PNMA6E: variants seen among roughly 807,000 people sequenced by gnomAD.
The protein encoded by PNMA6E is PNMA family member 6E.
For synonymous variants in PNMA6E, 43 were observed against 17.1 expected (o/e 2.52, Z -3.74); for missense variants, 78 against 50.8 (o/e 1.53, Z -1.63).
Position 153,398,224 on chromosome X carries a change from C to T in PNMA6E, c.626G>A (p.Gly209Glu). The T allele has an allele frequency of 4.7e-6, 2 of 425,066 alleles. No homozygotes were observed. Among genetic ancestry groups the T allele is most frequent in the Non-Finnish European group, 8.0e-6 (2 of 248,887 alleles). 35.0% of individuals were successfully genotyped at this position (425,066 alleles called of 1,213,427 possible). ...AGEAGGVGEA[G>E]AAGEAGGAGE... The stretch of plus-strand genomic sequence containing the variant: ...TGCGCCTCCTGCCTCACCTGCTGCT[C>T]CTGCCTCACCTACACCTCCTGCCTC... The change falls in exon 2 of 2, where the codon GGA (glycine) becomes GAA (glutamate). Residue 209 changes from glycine (G) to glutamate (E), a missense_variant. Coordinates refer to ENST00000445091, the MANE Select transcript of PNMA6E (RefSeq NM_001367770.1).
the PNMA6E span, among the ~76,000 whole-genome samples, chrX:153,407,800 C>G: frequency 8.9e-6 from 1 of 112,444 alleles, no homozygotes; most frequent in South Asian, 3.7e-4. Context: ...CCTGGGGCAA[C>G]TGTTAGTGAT....
chrX:153,411,990 A>G, the PNMA6E span, among the ~76,000 whole-genome samples: 1 of 112,789 alleles, frequency 8.9e-6, no homozygotes, highest in Admixed American at 9.3e-5. Context: ...CTGGCTAAAG[A>G]GCATCCTGTC....
At chrX:153,404,618 C>T (rs782373572), upstream of PNMA6E, among the ~76,000 whole-genome samples, 123 of 112,085 alleles carry the variant, frequency 1.1e-3, no homozygotes, top group African/African-American at 3.2e-3. Context: ...TCCGTTTCCA[C>T]GGTATTGGGC....
the PNMA6E span, among the ~76,000 whole-genome samples, chrX:153,407,582 G>A: frequency 1.8e-5 from 2 of 111,000 alleles, no homozygotes; most frequent in African/African-American, 6.6e-5. Context: ...GTGTTGCCCA[G>A]GCTGATCTCA....
At chrX:153,412,258 G>A in the PNMA6E span, among the ~76,000 whole-genome samples, 644 of 112,445 alleles carry the variant, frequency 5.7e-3, 3 homozygotes, top group African/African-American at 0.02. Context: ...GCGAAGGGCC[G>A]ATGGAAGTGG....
rs2088805279 is a variant in PNMA6E at position 153,396,407 on chromosome X, G to C, written c.*499C>G. ...AGAAATGATGGCTAGCAGTGGGTGG[G>C]CGTCTGCTGGGCGCGTGGGTCACAC... On this transcript the variant is annotated 3_prime_UTR_variant, in exon 2 of 2. Coordinates refer to ENST00000445091, the MANE Select transcript of PNMA6E (RefSeq NM_001367770.1). The C allele has an allele frequency of 8.7e-6, 1 of 115,484 alleles. No individual in the cohort carries two copies. Among genetic ancestry groups the C allele is most frequent in the Admixed American group, 9.2e-5 (1 of 10,856 alleles). The allele number at this position is 115,484 out of a possible 1,213,427, so 9.5% of individuals were successfully genotyped here.
At position 153,397,739 on chromosome X, in the gene PNMA6E, C is replaced by A; in HGVS notation, c.1111G>T (p.Ala371Ser). 1 of 307,689 alleles carries A rather than the reference C, an allele frequency of 3.3e-6. No homozygotes were observed. 25.4% of individuals were successfully genotyped at this position (307,689 alleles called of 1,213,427 possible). ...AGGAGGCCGCTCACGACTTCCAGGG[C>A]CGGGCCGCCCAAGCTCTCCAGCAGC... ...RWLLESLGGP[A>S]LEVVSGLLEE... Residue 371 changes from alanine (A) to serine (S), a missense_variant, in exon 2 of 2, where the codon GCC becomes TCC. Ala to Ser is a moderately conservative substitution (Grantham distance 99). Coordinates refer to ENST00000445091, the MANE Select transcript of PNMA6E (RefSeq NM_001367770.1).
the PNMA6E span, among the ~76,000 whole-genome samples, chrX:153,412,239 A>C: frequency 8.9e-6 from 1 of 112,450 alleles, no homozygotes; most frequent in Non-Finnish European, 1.9e-5. Context: ...TAGCCAAGCC[A>C]AGGAGGAAGC....
chrX:153,404,389 T>G (rs889021639), upstream of PNMA6E, among the ~76,000 whole-genome samples: 2 of 111,901 alleles, frequency 1.8e-5, no homozygotes, highest in Non-Finnish European at 3.8e-5. Context: ...TTTCTTGTAG[T>G]AATCTAGCAT....
rs1278915703 is a variant in PNMA6E at position 153,398,793 on chromosome X, G to A, written c.57C>T (p.Arg19=). 3.3e-6 allele frequency: 1 copy of A among 302,166 alleles called. No individual in the cohort carries two copies. Among genetic ancestry groups the A allele is most frequent in the Non-Finnish European group, 5.8e-6 (1 of 173,416 alleles). The allele number at this position is 302,166 out of a possible 1,213,427, so 24.9% of individuals were successfully genotyped here. A position where few individuals can be genotyped will look rare whatever the true frequency, so the allele number is the denominator to read the frequency against. Residue 19 remains arginine (R), a synonymous_variant, in exon 2 of 2, where the codon CGC becomes CGT. Transcript: ENST00000445091. ...WCRWMGANAE[R]SLLILGIPDD... ...CAGGGATACCCAGGATGAGCAGGGA[G>A]CGCTCTGCGTTCGCACCCATCCACC... is the stretch of plus-strand genomic sequence containing the variant.
In PNMA6E at chrX:153,397,224, G is replaced by A. The variant is rs782541333; in HGVS notation, c.1626C>T (p.Ala542=). Residue 542 remains alanine (A), a synonymous_variant, in exon 2 of 2, where the codon GCC becomes GCT. Transcript: ENST00000445091. ...AGPGAEDAAE[A]ASATKEAARG... ...TTGCAGCCTCTTTGGTGGCAGAAGC[G>A]GCCTCGGCAGCATCTTCTGCTCCGG... 70 of 296,881 alleles carry A rather than the reference G, an allele frequency of 2.4e-4. No homozygotes were observed. Among genetic ancestry groups the A allele is most frequent in the South Asian group, 4.0e-4 (2 of 4,944 alleles). 24.5% of individuals were successfully genotyped at this position (296,881 alleles called of 1,213,427 possible). A position where few individuals can be genotyped will look rare whatever the true frequency, so the allele number is the denominator to read the frequency against.
At position 153,396,962 on chromosome X, in the gene PNMA6E, C is replaced by T. The variant is rs1289224936; in HGVS notation, c.1888G>A (p.Glu630Lys). The T allele has an allele frequency of 1.7e-5, 5 of 296,514 alleles. No homozygotes were observed. The highest frequency in any genetic ancestry group is 1.1e-4 in the African/African-American group (4 of 36,661). 24.4% of individuals were successfully genotyped at this position (296,514 alleles called of 1,213,427 possible). ...TCGTCCCCGGCCCCATCCTCATCCT[C>T]GTTTTCCGGCTCCTCCAAGATGGTC... Reference protein sequence around the residue: ...LQTILEEPENEDEDGAGDEGQ... With the variant: ...LQTILEEPENKDEDGAGDEGQ... Residue 630 changes from glutamate (E) to lysine (K), a missense_variant, in exon 2 of 2, where the codon GAG (glutamate) becomes AAG (lysine). Physicochemically the swap from Glu to Lys is moderately conservative, Grantham distance 56. Coordinates refer to ENST00000445091, the MANE Select transcript of PNMA6E (RefSeq NM_001367770.1).
the PNMA6E span, among the ~76,000 whole-genome samples, chrX:153,412,118 G>A: frequency 8.9e-6 from 1 of 112,915 alleles, no homozygotes; most frequent in African/African-American, 3.2e-5. Context: ...TCTCCAGATC[G>A]GGGCAGGATG....
At chrX:153,409,813 G>C in the PNMA6E span, among the ~76,000 whole-genome samples, 1 of 112,146 alleles carries the variant, frequency 8.9e-6, no homozygotes, top group Admixed American at 9.4e-5. Context: ...CCTCCATGCA[G>C]GTTGGCCGCT....
In PNMA6E at chrX:153,396,773, G is replaced by A. The variant is rs6643719; in HGVS notation, c.*133C>T. 101,607 of 293,272 alleles carry A rather than the reference G, an allele frequency of 0.35. 12,377 individuals carry two copies. The highest frequency in any genetic ancestry group is 0.5 in the Middle Eastern group (557 of 1,124). 24.2% of individuals were successfully genotyped at this position (293,272 alleles called of 1,213,427 possible). ...TCACAGGGAAGGAATGGGGGTGGTG[G>A]CCAGAGCCCCTTGGGGGAGGTGGGG... On this transcript the variant is annotated 3_prime_UTR_variant, in exon 2 of 2. Transcript: ENST00000445091.
chrX:153,412,028 T>A, the PNMA6E span, among the ~76,000 whole-genome samples: 1 of 113,017 alleles, frequency 8.8e-6, no homozygotes, highest in South Asian at 3.6e-4. Flanking sequence ...GTTTGGATTT[T>A]GCACCTCTGG....
At position 153,396,636 on chromosome X, in the gene PNMA6E, G is replaced by C. The variant is rs111771174; in HGVS notation, c.*270C>G. The C allele has an allele frequency of 8.1e-5, 16 of 197,694 alleles. No individual in the cohort carries two copies. The highest frequency in any genetic ancestry group is 4.7e-4 in the African/African-American group (16 of 34,245). The allele number at this position is 197,694 out of a possible 1,213,427, so 16.3% of individuals were successfully genotyped here. A position where few individuals can be genotyped will look rare whatever the true frequency, so the allele number is the denominator to read the frequency against. On this transcript the variant is annotated 3_prime_UTR_variant, in exon 2 of 2. Transcript: ENST00000445091. ...AGCTGCCCACTCAGGGCTCCCTCCA[G>C]GCCAGCCCCCCGTGGCGGCAGGGTT...
At chrX:153,409,931 T>C in the PNMA6E span, among the ~76,000 whole-genome samples, 15 of 112,720 alleles carry the variant, frequency 1.3e-4, no homozygotes, top group South Asian at 1.1e-3. Context: ...CCCCGCCCCC[T>C]GCCTCCATGG....
chrX:153,402,579 A>G (rs2088859027), upstream of PNMA6E, among the ~76,000 whole-genome samples: 1 of 112,470 alleles, frequency 8.9e-6, no homozygotes, highest in East Asian at 2.8e-4. Flanking sequence ...CATGTGTATT[A>G]TAAATAACTT....
Sources: allele counts gnomAD v4.1 joint callset (sites outside exome capture counted in the v4.1 genomes callset), GRCh38; gene constraint gnomAD v4.1.1; transcripts MANE v1.5; gene names NCBI Gene and HGNC (gene_info 2026-07-23, HGNC 2026-07-21).